ACVR1: variants seen among roughly 807,000 people sequenced by gnomAD.
The protein encoded by ACVR1 is activin A receptor type 1.
A neutral mutation model predicts 57.1 loss-of-function variants in ACVR1; 38 were observed. That is an observed-to-expected ratio of 0.67 (90% CI 0.51 to 0.87). The LOEUF (loss-of-function observed/expected upper bound fraction) is 0.87, where lower values mean the gene tolerates loss of function less well. ACVR1 is among the 40% of genes least tolerant of loss of function. The pLI is 0.00. For synonymous variants in ACVR1, 212 were observed against 228.1 expected, an observed-to-expected ratio of 0.93 and a Z score of 0.63; for missense variants, 463 against 638.2, an observed-to-expected ratio of 0.73 and a Z score of 2.96.
At chr2:157,755,840 A>G (rs1409656992) in intron 9 of ACVR1, among the ~76,000 whole-genome samples, 1 of 152,142 alleles carries the variant, frequency 6.6e-6, no homozygotes, top group Non-Finnish European at 1.5e-5. Context: ...GAACCAAAAA[A>G]GAGCCTGCAT....
intron 1 of ACVR1, among the ~76,000 whole-genome samples, chr2:157,859,571 T>A (rs918864946): frequency 2.6e-5 from 4 of 152,120 alleles, no homozygotes; most frequent in African/African-American, 4.8e-5. Flanking sequence ...CCCTTTCCAG[T>A]AACATGATCA....
chr2:157,802,889 A>T (rs563975521), intron 2 of ACVR1, among the ~76,000 whole-genome samples: 1 of 152,326 alleles, frequency 6.6e-6, no homozygotes, highest in African/African-American at 2.4e-5. Context: ...CACATTTAAT[A>T]ACAGTTTAAT....
chr2:157,837,851 C>T (rs974401242), intron 1 of ACVR1, among the ~76,000 whole-genome samples: 2 of 152,126 alleles, frequency 1.3e-5, no homozygotes, highest in Non-Finnish European at 2.9e-5. Context: ...AACTGCCCCG[C>T]AAGCCAGTCA....
chr2:157,754,699 A>C (rs975738638), intron 9 of ACVR1, among the ~76,000 whole-genome samples: 3 of 152,218 alleles, frequency 2.0e-5, no homozygotes, highest in African/African-American at 7.2e-5. Flanking sequence ...AATTGGTACC[A>C]ATCTTACTGA....
At chr2:157,744,749 G>A (rs556845469) in intron 9 of ACVR1, among the ~76,000 whole-genome samples, 2 of 152,308 alleles carry the variant, frequency 1.3e-5, no homozygotes, top group South Asian at 2.1e-4. Context: ...AGAGGGCTTC[G>A]AGATATTTCT....
chr2:157,745,916 T>A lies in ACVR1; in HGVS notation c.1265-7346A>T, dbSNP rs182896007. 3.2e-3 allele frequency among the ~76,000 whole-genome samples: 482 copies of A among 152,284 alleles called. 1 individual carries two copies. Among genetic ancestry groups the A allele is most frequent in the Non-Finnish European group, 5.4e-3 (366 of 68,028 alleles). On this transcript the variant is annotated intron_variant, in intron 9 of 10. Transcript: ENST00000434821. ...ATTAGAAGAGGTTCTTTTTTCAAAG[T>A]AAGTGCACCAAATATAAGCTTATTC... is the stretch of plus-strand genomic sequence containing the variant.
chr2:157,866,978 C>T (rs1260808358), intron 1 of ACVR1, among the ~76,000 whole-genome samples: 2 of 152,144 alleles, frequency 1.3e-5, no homozygotes, highest in Non-Finnish European at 2.9e-5. Flanking sequence ...CAATACAAAG[C>T]CAAAGCCCCA....
At chr2:157,747,589 G>C (rs1261507134) in intron 9 of ACVR1, among the ~76,000 whole-genome samples, 1 of 152,190 alleles carries the variant, frequency 6.6e-6, no homozygotes, top group Non-Finnish European at 1.5e-5. Context: ...GGTGCATACA[G>C]AAGTAGAAAA....
intron 1 of ACVR1, among the ~76,000 whole-genome samples, chr2:157,839,580 C>CCA (rs2105353635): frequency 6.6e-6 from 1 of 152,216 alleles, no homozygotes; most frequent in South Asian, 2.1e-4. Flanking sequence ...AGCTGTCCAG[C>CCA]GACACTCTTT....
At chr2:157,791,765 A>G (rs1191325590) in intron 3 of ACVR1, among the ~76,000 whole-genome samples, 2 of 152,206 alleles carry the variant, frequency 1.3e-5, no homozygotes, top group East Asian at 3.8e-4. Flanking sequence ...TTCAGAACAC[A>G]TTCTTTGACT....
chr2:157,773,934 C>T (rs748236427), intron 6 of ACVR1, among the ~76,000 whole-genome samples, 154 bp downstream of exon 6: 2 of 152,134 alleles, frequency 1.3e-5, no homozygotes, highest in Non-Finnish European at 2.9e-5. Flanking sequence ...TTCAGGTGCT[C>T]CAACATTAGT....
chr2:157,785,955 C>T (rs1486045515), intron 3 of ACVR1, among the ~76,000 whole-genome samples: 1 of 152,154 alleles, frequency 6.6e-6, no homozygotes, highest in Admixed American at 6.5e-5. Context: ...CTGACCTGAT[C>T]CTTGCATGCT....
chr2:157,743,421 C>T (rs893828539), intron 9 of ACVR1, among the ~76,000 whole-genome samples: 8 of 151,934 alleles, frequency 5.3e-5, no homozygotes, highest in East Asian at 1.9e-4. Context: ...ACCTTTAAAT[C>T]GGATATTCTG....
intron 3 of ACVR1, among the ~76,000 whole-genome samples, chr2:157,798,957 C>G (rs574125618): frequency 1.3e-5 from 2 of 151,168 alleles, no homozygotes; most frequent in African/African-American, 4.9e-5. Flanking sequence ...AGTTCAATGT[C>G]GTGATCTTGG....
At chr2:157,805,283 C>A (rs1376177283) in intron 2 of ACVR1, among the ~76,000 whole-genome samples, 2 of 152,182 alleles carry the variant, frequency 1.3e-5, no homozygotes, top group Non-Finnish European at 1.5e-5. Context: ...TCAACACATA[C>A]TTTAGTGAGT....
intron 3 of ACVR1, among the ~76,000 whole-genome samples, chr2:157,783,138 A>G (rs1686588749): frequency 3.3e-5 from 5 of 152,366 alleles, no homozygotes; most frequent in Middle Eastern, 3.4e-3. Context: ...GAACCAAAGG[A>G]TTAAGGACAC....
At position 157,867,183 on chromosome 2, in the gene ACVR1, C is replaced by T. The variant is rs557927249; in HGVS notation, c.-183+8613G>A. On this transcript the variant is annotated intron_variant, in intron 1 of 10. Transcript: ENST00000434821. ...CCAGTCATCCAGGTTCCAAAAGTCA[C>T]ATATGTTTGCCCAACCCCTACCCTC... is the stretch of plus-strand genomic sequence containing the variant. 1.1e-4 allele frequency among the ~76,000 whole-genome samples: 17 copies of T among 152,318 alleles called. No individual in the cohort carries two copies. In the South Asian group the frequency reaches 3.5e-3, roughly 32 times the overall value.
intron 6 of ACVR1, among the ~76,000 whole-genome samples, chr2:157,773,736 A>G (rs2105270980): frequency 1.3e-5 from 2 of 152,358 alleles, no homozygotes; most frequent in East Asian, 3.9e-4. Flanking sequence ...ATTGCAATAA[A>G]GAAGTTCATT....
chr2:157,852,715 T>C (rs572624986), intron 1 of ACVR1, among the ~76,000 whole-genome samples: 1 of 152,340 alleles, frequency 6.6e-6, no homozygotes, highest in South Asian at 2.1e-4. Context: ...CATAGTTATA[T>C]GATCCTCTAA....
Sources: gnomAD v4.1 joint callset for allele counts (sites outside exome capture counted in the v4.1 genomes callset) on GRCh38, gnomAD v4.1.1 for gene constraint, MANE v1.5 for transcripts, NCBI Gene and HGNC (gene_info 2026-07-23, HGNC 2026-07-21) for gene names.